Variants in TOX observed in about 807,000 individuals in gnomAD.
TOX encodes thymocyte selection associated high mobility group box, also known as thymocyte selection-associated high mobility group box protein TOX.
In TOX, 11 loss-of-function variants were observed where a neutral mutation model predicts 53.7. The observed-to-expected ratio is 0.20, with a 90% CI of 0.13 to 0.34. TOX has a LOEUF of 0.34. Among genes scored for constraint, TOX ranks in the 10% least tolerant of loss-of-function variants. The pLI, the probability that TOX is intolerant of heterozygous loss-of-function variation, is 1.00. For synonymous variants in TOX, 225 were observed against 245.3 expected (o/e 0.92, Z 0.77); for missense variants, 570 against 664.6 (o/e 0.86, Z 1.56).
Position 59,119,062 on chromosome 8 carries a change from G to T in TOX, c.-75C>A. 1.0e-6 allele frequency: 1 copy of T among 983,644 alleles called. No homozygotes were observed. The allele number at this position is 983,644 out of a possible 1,614,324, so 60.9% of individuals were successfully genotyped here. A position where few individuals can be genotyped will look rare whatever the true frequency, so the allele number is the denominator to read the frequency against. On this transcript the variant is annotated 5_prime_UTR_variant, in exon 1 of 9. Coordinates refer to ENST00000361421, the MANE Select transcript of TOX (RefSeq NM_014729.3). The stretch of plus-strand genomic sequence containing the variant: ...AGTGTTCAGCAAAACAAGCTTAGAC[G>T]GAACAGAGTGAGGTGTCTGGGCTCA...
intron 2 of TOX, among the ~76,000 whole-genome samples, chr8:58,944,705 T>C (rs576657591): frequency 6.6e-6 from 1 of 152,326 alleles, no homozygotes; most frequent in South Asian, 2.1e-4. Flanking sequence ...CCTAATAATA[T>C]GTGTTTGCCA....
intron 1 of TOX, among the ~76,000 whole-genome samples, chr8:59,095,240 G>C (rs1563444894): frequency 6.6e-6 from 1 of 151,306 alleles, no homozygotes; most frequent in East Asian, 1.9e-4. Context: ...CTCTAAAAGA[G>C]TTGTTTTTTT....
At chr8:59,109,752 T>C (rs777682926) in intron 1 of TOX, among the ~76,000 whole-genome samples, 2 of 152,198 alleles carry the variant, frequency 1.3e-5, no homozygotes, top group African/African-American at 2.4e-5. Context: ...AATGTTTTAC[T>C]ACCATTCAGC....
intron 1 of TOX, among the ~76,000 whole-genome samples, chr8:59,082,462 G>A (rs1804426908): frequency 6.6e-6 from 1 of 152,228 alleles, no homozygotes; most frequent in Admixed American, 6.5e-5. Flanking sequence ...GCAGCTAGAA[G>A]TGATCTTAAC....
At chr8:58,989,081 G>A (rs1349242793) in intron 1 of TOX, among the ~76,000 whole-genome samples, 4 of 152,300 alleles carry the variant, frequency 2.6e-5, no homozygotes, top group East Asian at 3.9e-4. Flanking sequence ...GTGGGGGGCC[G>A]AGGCAGGTGG....
chr8:58,996,011 C>T (rs1224847656), intron 1 of TOX, among the ~76,000 whole-genome samples: 5 of 152,164 alleles, frequency 3.3e-5, no homozygotes, highest in Admixed American at 2.6e-4. Flanking sequence ...CTGCTCTCCC[C>T]TTACTCAATA....
At chr8:59,097,317 C>T (rs1214418194) in intron 1 of TOX, among the ~76,000 whole-genome samples, 1 of 152,162 alleles carries the variant, frequency 6.6e-6, no homozygotes, top group Non-Finnish European at 1.5e-5. Flanking sequence ...AGTTTATAGA[C>T]AGTGTGAGCT....
chr8:59,101,705 A>G (rs1804809382), intron 1 of TOX, among the ~76,000 whole-genome samples: 1 of 152,216 alleles, frequency 6.6e-6, no homozygotes, highest in Non-Finnish European at 1.5e-5. Flanking sequence ...GCAAATATCC[A>G]TTATTTACAC....
At chr8:58,890,761 G>A (rs1811547168) in intron 3 of TOX, among the ~76,000 whole-genome samples, 1 of 152,162 alleles carries the variant, frequency 6.6e-6, no homozygotes, top group Non-Finnish European at 1.5e-5. Context: ...CCAAGCATTT[G>A]AAGTCATGGA....
chr8:58,952,426 T>G (rs548011000), intron 2 of TOX, among the ~76,000 whole-genome samples: 93 of 152,332 alleles, frequency 6.1e-4, no homozygotes, highest in African/African-American at 2.2e-3. Flanking sequence ...CATGTTATAA[T>G]TGCAAAATTT....
At chr8:58,867,557 C>T (rs1254080325) in intron 3 of TOX, among the ~76,000 whole-genome samples, 1 of 152,224 alleles carries the variant, frequency 6.6e-6, no homozygotes, top group Non-Finnish European at 1.5e-5. Context: ...TTTTTCACAG[C>T]ATAACCACAA....
Position 58,989,104 on chromosome 8 carries a change from C to T in TOX, c.103-29096G>A, listed in dbSNP as rs140365050. Among the ~76,000 whole-genome samples, 24 of 152,246 alleles carry T rather than the reference C, an allele frequency of 1.6e-4. 1 individual carries two copies. The highest frequency in any genetic ancestry group is 2.9e-4 in the Non-Finnish European group (20 of 68,020). On this transcript the variant is annotated intron_variant, in intron 1 of 8. Transcript: ENST00000361421. ...CCGAGGCAGGTGGATCACCTGAGGT[C>T]AGGAGTTCGAAACCAGCCTGGCGAA...
chr8:59,059,906 T>TAAATAAAAAAA (rs1803950251), intron 1 of TOX, among the ~76,000 whole-genome samples: 1 of 145,946 alleles, frequency 6.9e-6, no homozygotes, highest in Non-Finnish European at 1.5e-5. Context: ...TGTTATGTTG[T>TAAATAAAAAAA]AAAAAAAAAA....
At chr8:58,827,519 A>AT (rs1239009485) in intron 5 of TOX, among the ~76,000 whole-genome samples, 1 of 152,214 alleles carries the variant, frequency 6.6e-6, no homozygotes, top group Non-Finnish European at 1.5e-5. Context: ...GATTGCATGC[A>AT]TGCCCTGCCC....
chr8:58,972,767 A>C lies in TOX; in HGVS notation c.103-12759T>G, dbSNP rs191481664. Among the ~76,000 whole-genome samples the C allele has an allele frequency of 4.6e-5, 7 of 152,344 alleles. No homozygotes were observed. In the East Asian group the frequency reaches 1.3e-3, roughly 29 times the overall value. Reference sequence around the variant, plus strand: ...TTTTTCACATTCTGTCAAAAATTACATTATTAATAACTTTTGCACACTTCA... The same window carrying C: ...TTTTTCACATTCTGTCAAAAATTACCTTATTAATAACTTTTGCACACTTCA... On this transcript the variant is annotated intron_variant, in intron 1 of 8. Transcript: ENST00000361421.
chr8:58,940,502 A>G (rs1032700368), intron 2 of TOX, among the ~76,000 whole-genome samples: 9 of 152,206 alleles, frequency 5.9e-5, no homozygotes, highest in Non-Finnish European at 1.2e-4. Flanking sequence ...ACCAATTAAT[A>G]TTAAATACAC....
At chr8:59,039,755 G>A (rs778756674) in intron 1 of TOX, among the ~76,000 whole-genome samples, 2 of 152,114 alleles carry the variant, frequency 1.3e-5, no homozygotes, top group Non-Finnish European at 1.5e-5. Flanking sequence ...AAAGAGGCTT[G>A]TTTTTACCTT....
chr8:59,087,050 CT>C (rs767172545), intron 1 of TOX, among the ~76,000 whole-genome samples: 15 of 152,204 alleles, frequency 9.9e-5, no homozygotes, highest in Non-Finnish European at 1.6e-4. Flanking sequence ...ATATTATGCA[CT>C]TCTACATTTA....
intron 3 of TOX, among the ~76,000 whole-genome samples, chr8:58,923,505 C>T (rs752108925): frequency 9.9e-5 from 15 of 152,156 alleles, no homozygotes; most frequent in Non-Finnish European, 1.9e-4. Flanking sequence ...ACTCCAAAAA[C>T]GTCTTCTTCC....
Sources: gnomAD v4.1 joint callset for allele counts (sites outside exome capture counted in the v4.1 genomes callset) on GRCh38, gnomAD v4.1.1 for gene constraint, MANE v1.5 for transcripts, NCBI Gene and HGNC (gene_info 2026-07-23, HGNC 2026-07-21) for gene names.